SPOCK3: variants seen among roughly 807,000 people sequenced by gnomAD.
SPOCK3 encodes SPARC (osteonectin), cwcv and kazal like domains proteoglycan 3, also known as testican-3.
SPOCK3 carries 30 observed loss-of-function variants against 56.6 expected under a neutral mutation model. The observed-to-expected ratio is 0.53, with a 90% CI of 0.40 to 0.72. The LOEUF is 0.72. SPOCK3 is among the 30% of genes least tolerant of loss of function. The pLI, the probability that SPOCK3 is intolerant of heterozygous loss-of-function variation, is 0.00. For missense variants in SPOCK3, 527 were observed against 530.0 expected, an observed-to-expected ratio of 0.99 and a Z score of 0.06; for synonymous variants, 196 against 183.3, an observed-to-expected ratio of 1.07 and a Z score of -0.56.
chr4:166,976,126 C>G (rs1745918613), intron 4 of SPOCK3, among the ~76,000 whole-genome samples: 1 of 150,908 alleles, frequency 6.6e-6, no homozygotes. Flanking sequence ...CACACACACA[C>G]ACACAAAACA....
chr4:166,739,582 G>A lies in SPOCK3; in HGVS notation c.995-1978C>T, dbSNP rs192971735. Among the ~76,000 whole-genome samples the A allele has an allele frequency of 2.6e-5, 4 of 152,116 alleles. No individual in the cohort carries two copies. In the East Asian group the frequency reaches 7.7e-4, roughly 29 times the overall value. ...ATCTATAAAATCTAACATACTCTATGGCACAATGCTCATGATAAACCCTTA... is the reference window on the plus strand; with the variant it reads ...ATCTATAAAATCTAACATACTCTATAGCACAATGCTCATGATAAACCCTTA... On this transcript the variant is annotated intron_variant, in intron 9 of 10. Coordinates refer to ENST00000357545, the MANE Select transcript of SPOCK3 (RefSeq NM_001040159.2).
At chr4:167,067,338 C>T (rs1158509709) in intron 2 of SPOCK3, among the ~76,000 whole-genome samples, 1 of 151,816 alleles carries the variant, frequency 6.6e-6, no homozygotes, top group African/African-American at 2.4e-5. Context: ...TATATTTTCA[C>T]AACTATTTTG....
At chr4:166,880,528 A>G (rs1362300326) in intron 6 of SPOCK3, among the ~76,000 whole-genome samples, 8 of 152,168 alleles carry the variant, frequency 5.3e-5, no homozygotes, top group African/African-American at 1.9e-4. Flanking sequence ...CTTCTCTTAG[A>G]TGTGTAAAGG....
At chr4:167,206,089 C>T (rs531631953) in intron 2 of SPOCK3, among the ~76,000 whole-genome samples, 335 of 151,752 alleles carry the variant, frequency 2.2e-3, no homozygotes, top group African/African-American at 7.5e-3. Context: ...TTTGGGAGGA[C>T]GGGGAGGGTG....
chr4:167,110,871 T>A (rs1397164293), intron 2 of SPOCK3, among the ~76,000 whole-genome samples: 1 of 152,076 alleles, frequency 6.6e-6, no homozygotes, highest in East Asian at 1.9e-4. Context: ...CTAACAATGC[T>A]ACCATATAAT....
At chr4:167,090,175 G>C (rs983757229) in intron 2 of SPOCK3, among the ~76,000 whole-genome samples, 1 of 152,114 alleles carries the variant, frequency 6.6e-6, no homozygotes, top group Non-Finnish European at 1.5e-5. Context: ...GTATGTGTAG[G>C]TTTAACTGTA....
intron 6 of SPOCK3, among the ~76,000 whole-genome samples, chr4:166,841,831 T>C (rs761874055): frequency 3.3e-5 from 5 of 152,184 alleles, no homozygotes; most frequent in Non-Finnish European, 5.9e-5. Context: ...TCTCCCATTG[T>C]GTCTAAAATC....
At chr4:166,991,272 C>T (rs17052724) in intron 4 of SPOCK3, among the ~76,000 whole-genome samples, 26,393 of 151,794 alleles carry the variant, frequency 0.17, 2,498 homozygotes, top group African/African-American at 0.24. Context: ...CATAGCCCCT[C>T]CATTATTAAA....
chr4:167,100,442 G>GTC (rs1220478574), intron 2 of SPOCK3, among the ~76,000 whole-genome samples: 10 of 144,522 alleles, frequency 6.9e-5, no homozygotes, highest in East Asian at 4.0e-4. Context: ...CTTTCTCTCT[G>GTC]TCTCTCTCTC....
At chr4:167,037,543 G>T (rs980169105) in intron 3 of SPOCK3, among the ~76,000 whole-genome samples, 2 of 151,620 alleles carry the variant, frequency 1.3e-5, no homozygotes, top group Non-Finnish European at 2.9e-5. Context: ...ACACACTAAG[G>T]ATTTTTTGAA....
intron 5 of SPOCK3, among the ~76,000 whole-genome samples, chr4:166,894,218 C>T (rs1477018029): frequency 6.6e-6 from 1 of 151,928 alleles, no homozygotes; most frequent in African/African-American, 2.4e-5. Context: ...CTTCGAAAAA[C>T]TTCTTTTTAT....
At chr4:167,045,295 C>T (rs558731762) in intron 3 of SPOCK3, among the ~76,000 whole-genome samples, 1 of 152,088 alleles carries the variant, frequency 6.6e-6, no homozygotes, top group South Asian at 2.1e-4. Flanking sequence ...AATTTAAAGT[C>T]GGTTCCTTTT....
intron 2 of SPOCK3, among the ~76,000 whole-genome samples, chr4:167,072,585 T>C (rs1756785148): frequency 6.6e-6 from 1 of 152,018 alleles, no homozygotes; most frequent in Non-Finnish European, 1.5e-5. Flanking sequence ...ACATTTATTG[T>C]TCTTAAAGAA....
rs555151494 is a variant in SPOCK3 at position 166,859,161 on chromosome 4, A to G, written c.589+29969T>C. On this transcript the variant is annotated intron_variant, in intron 6 of 10. Transcript: ENST00000357545. ...GCCTAGGAGCAATAGGCTATACCAT[A>G]TAGCCTAGATGTGCAGCAGGCTATG... 4.5e-3 allele frequency among the ~76,000 whole-genome samples: 689 copies of G among 152,300 alleles called. 1 individual carries two copies. Among genetic ancestry groups the G allele is most frequent in the Non-Finnish European group, 7.8e-3 (528 of 68,012 alleles).
intron 5 of SPOCK3, among the ~76,000 whole-genome samples, chr4:166,905,772 T>C (rs760851594): frequency 1.1e-4 from 16 of 151,894 alleles, no homozygotes; most frequent in Non-Finnish European, 2.2e-4. Context: ...ATAAGTGAAT[T>C]TAGCAAAGTG....
chr4:167,213,927 A>G (rs1401323098), intron 2 of SPOCK3, among the ~76,000 whole-genome samples: 1 of 152,186 alleles, frequency 6.6e-6, no homozygotes, highest in Admixed American at 6.5e-5. Flanking sequence ...TACTGTCACA[A>G]GACTGCTTGA....
chr4:167,195,166 T>C (rs1404849167), intron 2 of SPOCK3, among the ~76,000 whole-genome samples: 1 of 152,170 alleles, frequency 6.6e-6, no homozygotes, highest in Non-Finnish European at 1.5e-5. Context: ...GGGACATAGA[T>C]GGGTGTCTCA....
chr4:167,234,302 G>T, intron 1 of SPOCK3, 129 bp from the exon 2 acceptor site: 1 of 883,866 alleles, frequency 1.1e-6, no homozygotes, highest in Non-Finnish European at 1.7e-6. Context: ...GACAAGCAGA[G>T]GCAAGCGTGT....
intron 2 of SPOCK3, among the ~76,000 whole-genome samples, chr4:167,091,386 C>T (rs952976367): frequency 6.6e-6 from 1 of 152,134 alleles, no homozygotes; most frequent in Non-Finnish European, 1.5e-5. Context: ...GGAATTACGA[C>T]ACTACAAATT....
Sources: allele counts gnomAD v4.1 joint callset (sites outside exome capture counted in the v4.1 genomes callset), GRCh38; gene constraint gnomAD v4.1.1; transcripts MANE v1.5; gene names NCBI Gene and HGNC (gene_info 2026-07-23, HGNC 2026-07-21).